The following PLEKHA7 variants were observed in gnomAD, a reference collection of about 807,000 sequenced individuals.
The protein encoded by PLEKHA7 is pleckstrin homology domain-containing family A member 7.
Under a neutral mutation model 170.0 loss-of-function variants are expected in PLEKHA7, and 104 were observed. That is an observed-to-expected ratio of 0.61 (90% CI 0.52 to 0.72). The LOEUF is 0.72. Among genes scored for constraint, PLEKHA7 ranks in the 30% least tolerant of loss-of-function variants. The probability of loss-of-function intolerance (pLI) is 0.00; values close to 1 mark genes in which losing one functional copy is unlikely to be tolerated. For missense variants in PLEKHA7, 1,615 were observed against 1,671.7 expected (o/e 0.97, Z 0.59); for synonymous variants, 648 against 660.8 (o/e 0.98, Z 0.30).
intron 3 of PLEKHA7, among the ~76,000 whole-genome samples, chr11:17,011,964 C>T (rs989479474): frequency 6.6e-6 from 1 of 151,762 alleles, no homozygotes; most frequent in Non-Finnish European, 1.5e-5. Flanking sequence ...CTCCCACAGA[C>T]TATTCAGTCC....
chr11:16,912,903 G>A (rs1488931131), intron 3 of PLEKHA7, among the ~76,000 whole-genome samples: 1 of 152,324 alleles, frequency 6.6e-6, no homozygotes, highest in East Asian at 1.9e-4. Context: ...CCTAAGTGAG[G>A]GGACACAAGG....
intron 4 of PLEKHA7, among the ~76,000 whole-genome samples, chr11:16,856,871 T>G (rs986127099): frequency 6.6e-6 from 1 of 152,120 alleles, no homozygotes; most frequent in Non-Finnish European, 1.5e-5. Flanking sequence ...AATGCTCCAA[T>G]AGGCAACAGA....
rs755067711 is a variant in PLEKHA7 at position 16,817,143 on chromosome 11, G to A, written c.1523C>T (p.Ser508Leu). ...CCGGTGCGCCCGGCGCTCTTCACTC[G>A]ACATCTTCAGGTGGCTGGCTCGGTC... The part of the protein sequence containing the change: ...AQDRASHLKM[S>L]SEERRAHRDG... Residue 508 changes from serine to leucine, a missense_variant, in exon 11 of 27, where the codon TCG becomes TTG. Ser to Leu is a moderately radical substitution (Grantham distance 145). Transcript: ENST00000531066. This position sits in a 1 kb window ranked among gnomAD's most constrained non-coding sequence, Gnocchi z 4.4. The A allele has an allele frequency of 1.3e-5, 21 of 1,614,178 alleles. No individual in the cohort carries two copies. The South Asian group carries it at 1.9e-4, about 14-fold the overall frequency.
In PLEKHA7 at chr11:17,013,967, C is replaced by G. The variant is rs775584803; in HGVS notation, c.221+22G>C. 18 of 1,527,976 alleles carry G rather than the reference C, an allele frequency of 1.2e-5. No homozygotes were observed. The South Asian group carries it at 2.2e-4, about 19-fold the overall frequency. 94.7% of individuals were successfully genotyped at this position (1,527,976 alleles called of 1,614,324 possible). A position where few individuals can be genotyped will look rare whatever the true frequency, so the allele number is the denominator to read the frequency against. Reference sequence around the variant, plus strand: ...CCCCCCCCCGCGGCACAGGTGCGAGCGCGGCGGCCCCACTCACTCACTCGA... The same window carrying G: ...CCCCCCCCCGCGGCACAGGTGCGAGGGCGGCGGCCCCACTCACTCACTCGA... On this transcript the variant is annotated intron_variant, in intron 3 of 26. Coordinates refer to ENST00000531066, the MANE Select transcript of PLEKHA7 (RefSeq NM_001329630.2).
chr11:16,860,983 C>T (rs946598054), intron 4 of PLEKHA7, among the ~76,000 whole-genome samples: 2 of 152,172 alleles, frequency 1.3e-5, no homozygotes, highest in African/African-American at 4.8e-5. Flanking sequence ...ATAAAGCACC[C>T]ATGACATACA....
intron 3 of PLEKHA7, among the ~76,000 whole-genome samples, chr11:17,013,706 A>C (rs1310848240): frequency 6.6e-6 from 1 of 152,126 alleles, no homozygotes; most frequent in Non-Finnish European, 1.5e-5. Context: ...CCCAGCCCGC[A>C]CACCAGCACC....
chr11:16,899,957 G>A (rs955647461), intron 3 of PLEKHA7, among the ~76,000 whole-genome samples: 21 of 152,230 alleles, frequency 1.4e-4, no homozygotes, highest in African/African-American at 5.1e-4. Context: ...GGGGTAGGCA[G>A]GGAAGTGTCA....
chr11:16,834,114 G>A (rs376302118), intron 9 of PLEKHA7, among the ~76,000 whole-genome samples: 2 of 152,090 alleles, frequency 1.3e-5, no homozygotes, highest in African/African-American at 2.4e-5. Context: ...GGGTTCAAGC[G>A]GTTCTCCTGT....
At chr11:16,847,736 G>C (rs1042608772) in intron 8 of PLEKHA7, among the ~76,000 whole-genome samples, 1 of 151,394 alleles carries the variant, frequency 6.6e-6, no homozygotes, top group African/African-American at 2.4e-5. Context: ...CAGCCACTCG[G>C]AAGGCTAAGG....
chr11:16,921,141 A>G (rs1424153710), intron 3 of PLEKHA7, among the ~76,000 whole-genome samples: 1 of 152,178 alleles, frequency 6.6e-6, no homozygotes, highest in Non-Finnish European at 1.5e-5. Context: ...TAACACATTG[A>G]GAACTTCAGA....
At position 16,791,333 on chromosome 11, in the gene PLEKHA7, A is replaced by C; in HGVS notation, c.2746-134T>G. 1.2e-6 allele frequency: 1 copy of C among 815,882 alleles called. No individual in the cohort carries two copies. Among genetic ancestry groups the C allele is most frequent in the Non-Finnish European group, 1.9e-6 (1 of 521,360 alleles). 50.5% of individuals were successfully genotyped at this position (815,882 alleles called of 1,614,324 possible). A position where few individuals can be genotyped will look rare whatever the true frequency, so the allele number is the denominator to read the frequency against. ...GCCACAGAACATGACTGCCTCAGCC[A>C]AGGAGCACTCACACTTCCCCTGGCG... On this transcript the variant is annotated intron_variant, in intron 19 of 26. Coordinates refer to ENST00000531066, the MANE Select transcript of PLEKHA7 (RefSeq NM_001329630.2). This position sits in a 1 kb window ranked among gnomAD's most constrained non-coding sequence, Gnocchi z 4.5.
At chr11:16,913,147 G>A (rs903738406) in intron 3 of PLEKHA7, among the ~76,000 whole-genome samples, 5 of 152,074 alleles carry the variant, frequency 3.3e-5, no homozygotes, top group African/African-American at 1.2e-4. Context: ...GTTCTCAAAC[G>A]CCCCTCCTTG....
chr11:16,990,317 G>A (rs1485917197), intron 3 of PLEKHA7, among the ~76,000 whole-genome samples: 1 of 127,106 alleles, frequency 7.9e-6, no homozygotes, highest in East Asian at 2.4e-4. Context: ...CTGTTCCCAG[G>A]TAATCAGTAA....
chr11:16,921,093 G>GT (rs1263431601), intron 3 of PLEKHA7, among the ~76,000 whole-genome samples: 1 of 152,114 alleles, frequency 6.6e-6, no homozygotes, highest in Non-Finnish European at 1.5e-5. Context: ...TTCGCAGGGC[G>GT]TTTTTTTGTT....
In PLEKHA7 at chr11:16,822,170, G is replaced by A. The variant is rs1336620451; in HGVS notation, c.1343+3950C>T. On this transcript the variant is annotated intron_variant, in intron 10 of 26. Coordinates refer to ENST00000531066, the MANE Select transcript of PLEKHA7 (RefSeq NM_001329630.2). ...TTACAGGCTGCTGGAGCAGTTATGC[G>A]GAGACATTTCATAACTGACAACTTA... 5.3e-5 allele frequency among the ~76,000 whole-genome samples: 8 copies of A among 152,218 alleles called. No homozygotes were observed. The South Asian group carries it at 8.3e-4, about 16-fold the overall frequency.
chr11:16,944,785 CTCTG>C (rs1860919963), intron 3 of PLEKHA7, among the ~76,000 whole-genome samples: 1 of 152,140 alleles, frequency 6.6e-6, no homozygotes, highest in Admixed American at 6.5e-5. Context: ...AAAATTTCTT[CTCTG>C]TCTGATAATA....
chr11:16,786,881 G>A (rs1849434896), intron 23 of PLEKHA7: 1 of 985,286 alleles, frequency 1.0e-6, no homozygotes, highest in African/African-American at 1.7e-5. Context: ...CGTAGGTGGG[G>A]GATCTCGCAC....
At chr11:16,835,484 A>C (rs1276028767) in intron 9 of PLEKHA7, among the ~76,000 whole-genome samples, 2 of 152,170 alleles carry the variant, frequency 1.3e-5, no homozygotes, top group Admixed American at 6.5e-5. Context: ...CTCATCATTG[A>C]GATCTAGGAA....
intron 3 of PLEKHA7, chr11:16,974,861 T>A: frequency 2.5e-6 from 2 of 794,352 alleles, no homozygotes; most frequent in Non-Finnish European, 3.1e-6. Flanking sequence ...TCGGCTTAGT[T>A]TGCCCACCAT....
Sources: allele counts gnomAD v4.1 joint callset (sites outside exome capture counted in the v4.1 genomes callset), GRCh38; gene constraint gnomAD v4.1.1; non-coding constraint Gnocchi (gnomAD v3.1); transcripts MANE v1.5; gene names NCBI Gene and HGNC (gene_info 2026-07-23, HGNC 2026-07-21).